The following HERC1 variants were observed in gnomAD, a reference collection of about 807,000 sequenced individuals.
The protein encoded by HERC1 is probable E3 ubiquitin-protein ligase HERC1.
A neutral mutation model predicts 554.3 loss-of-function variants in HERC1; 160 were observed. The ratio of observed to expected loss-of-function variants is 0.29; its 90% CI spans 0.25 to 0.33. The LOEUF (loss-of-function observed/expected upper bound fraction) is 0.33. Ranked by LOEUF, HERC1 falls within the 10% of genes least tolerant of loss-of-function variation. HERC1 has a pLI of 1.00. For missense variants in HERC1, 4,919 were observed against 5,918.5 expected (o/e 0.83, Z 5.54); for synonymous variants, 2,175 against 2,131.7 (o/e 1.02, Z -0.56).
chr15:63,831,861 C>T (rs769555360), intron 1 of HERC1, among the ~76,000 whole-genome samples: 6 of 152,168 alleles, frequency 3.9e-5, no homozygotes, highest in Non-Finnish European at 7.4e-5. Flanking sequence ...TTTACATTTG[C>T]TTTCTCTTCC....
At position 63,758,149 on chromosome 15, in the gene HERC1, G is replaced by C. The variant is rs1449546538; in HGVS notation, c.1221+26C>G. ...TGAATATACACCAGATTATCTACCA[G>C]TTTGTAAGCTATTTAGAAAACTTAC... On this transcript the variant is annotated intron_variant, in intron 4 of 77. Coordinates refer to ENST00000443617, the MANE Select transcript of HERC1 (RefSeq NM_003922.4). This position sits in a 1 kb window ranked among gnomAD's most constrained non-coding sequence, Gnocchi z 4.0. 1 of 1,544,064 alleles carries C rather than the reference G, an allele frequency of 6.5e-7. No homozygotes were observed. The highest frequency in any genetic ancestry group is 8.9e-7 in the Non-Finnish European group (1 of 1,123,496).
intron 12 of HERC1, among the ~76,000 whole-genome samples, chr15:63,745,361 C>T (rs929363413): frequency 6.6e-6 from 1 of 152,188 alleles, no homozygotes; most frequent in Non-Finnish European, 1.5e-5. Context: ...GCCTAGACTG[C>T]CTTTCAAGTT....
intron 40 of HERC1, 46 bp from the exon 41 acceptor site, chr15:63,666,518 C>A (rs748980137): frequency 1.6e-6 from 2 of 1,231,618 alleles, no homozygotes; most frequent in Non-Finnish European, 2.3e-6. Context: ...TCACTAGATA[C>A]CGTGAGTAAA....
intron 48 of HERC1, among the ~76,000 whole-genome samples, chr15:63,657,722 T>A (rs779044766): frequency 6.6e-6 from 1 of 152,206 alleles, no homozygotes; most frequent in Non-Finnish European, 1.5e-5. Flanking sequence ...GAAGCAATTC[T>A]TCTATGTTAC....
Position 63,643,440 on chromosome 15 carries a change from A to G in HERC1, c.11295T>C (p.Gly3765=). The change falls in exon 58 of 78, where the codon GGT becomes GGC. Residue 3765 remains glycine (G), a synonymous_variant. Coordinates refer to ENST00000443617, the MANE Select transcript of HERC1 (RefSeq NM_003922.4). ...AAATGTTCATGAGCCCACCTAGTCC[A>G]CCAGACACCAGGGCCAACCCATCAG... The part of the protein sequence containing the change: ...FSSDGLALVS[G]GLGGLMNIWS... 1 of 1,613,516 alleles carries G rather than the reference A, an allele frequency of 6.2e-7. No individual in the cohort carries two copies. The highest frequency in any genetic ancestry group is 8.5e-7 in the Non-Finnish European group (1 of 1,179,656).
chr15:63,611,709 T>C (rs938574537), intron 77 of HERC1, among the ~76,000 whole-genome samples: 4 of 152,226 alleles, frequency 2.6e-5, no homozygotes, highest in Non-Finnish European at 5.9e-5. Flanking sequence ...TTAGGGAAGG[T>C]TGTTGGTTGT....
chr15:63,755,408 A>G (rs2075389704), intron 5 of HERC1, 83 bp from the exon 6 acceptor site: 2 of 1,025,548 alleles, frequency 2.0e-6, no homozygotes, highest in Non-Finnish European at 3.0e-6. Context: ...CAGAGACTTC[A>G]CAGATACTAA....
In HERC1 at chr15:63,641,648, T is replaced by A. The variant is rs1384070098; in HGVS notation, c.11434-5A>T. 1.3e-6 allele frequency: 2 copies of A among 1,519,066 alleles called. No homozygotes were observed. Among genetic ancestry groups the A allele is most frequent in the African/African-American group, 2.8e-5 (2 of 72,350 alleles). 94.1% of individuals were successfully genotyped at this position (1,519,066 alleles called of 1,614,324 possible). ...ACAATTCACGACCAAAACATCCTGGTTGAAAATAAATCATGCCACATAATA... is the reference window on the plus strand; with the variant it reads ...ACAATTCACGACCAAAACATCCTGGATGAAAATAAATCATGCCACATAATA... On this transcript the variant is annotated splice_region_variant and splice_polypyrimidine_tract_variant and intron_variant, in intron 59 of 77. Coordinates refer to ENST00000443617, the MANE Select transcript of HERC1 (RefSeq NM_003922.4).
chr15:63,773,953 C>A (rs911578076), intron 2 of HERC1, among the ~76,000 whole-genome samples: 3 of 152,108 alleles, frequency 2.0e-5, no homozygotes, highest in African/African-American at 7.2e-5. Context: ...ATTATTTATT[C>A]TTTAATGTTG....
At chr15:63,725,231 G>A (rs1171185983) in intron 18 of HERC1, 61 bp downstream of exon 18, 1 of 1,425,550 alleles carries the variant, frequency 7.0e-7, no homozygotes, top group Non-Finnish European at 9.7e-7. Context: ...TCAGAATAGA[G>A]AAATCTCCAA....
At chr15:63,726,346 A>G (rs1210888773) in intron 17 of HERC1, among the ~76,000 whole-genome samples, 1 of 152,208 alleles carries the variant, frequency 6.6e-6, no homozygotes, top group Non-Finnish European at 1.5e-5. Context: ...AATGACAGCT[A>G]TAAGGAACAC....
intron 48 of HERC1, among the ~76,000 whole-genome samples, chr15:63,657,260 GTTT>G (rs770864894): frequency 4.0e-5 from 5 of 124,812 alleles, no homozygotes; most frequent in Admixed American, 8.0e-5. Flanking sequence ...TTTGTCTTAG[GTTT>G]TTTTTTTTTT....
chr15:63,661,791 T>C lies in HERC1; in HGVS notation c.9132A>G (p.Leu3044=). 1 of 1,614,002 alleles carries C rather than the reference T, an allele frequency of 6.2e-7. No individual in the cohort carries two copies. Among genetic ancestry groups the C allele is most frequent in the Non-Finnish European group, 8.5e-7 (1 of 1,179,880 alleles). The change falls in exon 45 of 78, where the codon TTA becomes TTG. Residue 3044 remains leucine (L), a synonymous_variant. Coordinates refer to ENST00000443617, the MANE Select transcript of HERC1 (RefSeq NM_003922.4). ...TTGACTTAGATTTGGTCTTCATGGC[T>C]AAGTACTTCTCCCTGCAGGTGCCAC... ...LLCGTCREKY[L]AMKTKSKSTS... is the part of the protein sequence containing the mutation.
At chr15:63,831,576 AT>A (rs1196725046) in intron 1 of HERC1, among the ~76,000 whole-genome samples, 10 of 152,278 alleles carry the variant, frequency 6.6e-5, no homozygotes, top group Admixed American at 5.9e-4. Flanking sequence ...CATTATCATC[AT>A]TTTAAGATCT....
In HERC1 at chr15:63,677,846, T is replaced by G; in HGVS notation, c.7069A>C (p.Ser2357Arg). 6.2e-7 allele frequency: 1 copy of G among 1,613,052 alleles called. No homozygotes were observed. Among genetic ancestry groups the G allele is most frequent in the Non-Finnish European group, 8.5e-7 (1 of 1,179,352 alleles). ...AAAGTGTAACTCAACAGATCATACC[T>G]GATAGTAATTTCTGCTTCATCCCAT... ...VQWDEAEITI[S>R]FPTFWSPSDT... Residue 2357 changes from serine to arginine, a missense_variant and splice_region_variant, in exon 37 of 78, where the codon AGC (serine) becomes CGC (arginine). By Grantham distance (110) the Ser-to-Arg change is moderately radical (BLOSUM62 -1). Coordinates refer to ENST00000443617, the MANE Select transcript of HERC1 (RefSeq NM_003922.4). The surrounding 1 kb of genome is among the most constrained non-coding windows in gnomAD (Gnocchi z 4.4).
chr15:63,682,582 G>T (rs1158527391), intron 34 of HERC1, among the ~76,000 whole-genome samples: 1 of 152,122 alleles, frequency 6.6e-6, no homozygotes, highest in Non-Finnish European at 1.5e-5. Context: ...ACTACCTTGG[G>T]CAAGAAAGCA....
chr15:63,796,748 T>C (rs8027336), intron 1 of HERC1, among the ~76,000 whole-genome samples: 4,697 of 152,278 alleles, frequency 0.031, 232 homozygotes, highest in African/African-American at 0.11. Flanking sequence ...CATAGATACA[T>C]TGAAAGGTTT....
chr15:63,647,916 G>C (rs2069442162), intron 55 of HERC1, among the ~76,000 whole-genome samples, 153 bp downstream of exon 55: 1 of 152,194 alleles, frequency 6.6e-6, no homozygotes, highest in Non-Finnish European at 1.5e-5. Flanking sequence ...GCTGGGAGGA[G>C]GATGGATTAT....
intron 42 of HERC1, 51 bp downstream of exon 42, chr15:63,665,868 G>T: frequency 1.5e-6 from 2 of 1,330,730 alleles, no homozygotes; most frequent in Non-Finnish European, 2.1e-6. Flanking sequence ...AATAAATGGG[G>T]CTTTGAAATT....
Sources: allele counts gnomAD v4.1 joint callset (sites outside exome capture counted in the v4.1 genomes callset), GRCh38; gene constraint gnomAD v4.1.1; non-coding constraint Gnocchi (gnomAD v3.1); transcripts MANE v1.5; gene names NCBI Gene and HGNC (gene_info 2026-07-23, HGNC 2026-07-21).